DISC1: variants seen among roughly 807,000 people sequenced by gnomAD.
DISC1 encodes the protein DISC1 scaffold protein.
In DISC1, 57 loss-of-function variants were observed where a neutral mutation model predicts 84.5. That is an observed-to-expected ratio of 0.67 (90% CI 0.55 to 0.84). DISC1 has a LOEUF of 0.84. DISC1 is among the 40% of genes least tolerant of loss of function. The pLI is 0.00. For synonymous variants in DISC1, 411 were observed against 415.2 expected (o/e 0.99, Z 0.12); for missense variants, 1,000 against 1,057.8 (o/e 0.95, Z 0.76).
At position 232,008,991 on chromosome 1, in the gene DISC1, A is replaced by G. The variant is rs1347419043; in HGVS notation, c.2249A>G (p.Glu750Gly). The G allele has an allele frequency of 1.2e-6, 2 of 1,613,900 alleles. No individual in the cohort carries two copies. Among genetic ancestry groups the G allele is most frequent in the Non-Finnish European group, 1.7e-6 (2 of 1,179,842 alleles). The change falls in exon 11 of 13, where the codon GAA becomes GGA. Residue 750 changes from glutamate (E) to glycine (G), a missense_variant. Transcript: ENST00000439617. ...AGGAAGACCCCTTTGAAGGTATTGG[A>G]AGAATGGAAGACTCACCTCATCCCC... ...DKRKTPLKVL[E>G]EWKTHLIPSL...
chr1:231,960,718 G>C (rs1018091357), intron 10 of DISC1, among the ~76,000 whole-genome samples: 2 of 152,192 alleles, frequency 1.3e-5, no homozygotes, highest in African/African-American at 4.8e-5. Flanking sequence ...TTCTGCTGCA[G>C]ATACCAGCTG....
chr1:231,964,333 G>C (rs1007825318), intron 10 of DISC1, among the ~76,000 whole-genome samples: 1 of 152,164 alleles, frequency 6.6e-6, no homozygotes, highest in Non-Finnish European at 1.5e-5. Context: ...CCATGCTGAC[G>C]TTGCAAAGCC....
At chr1:231,726,527 C>A (rs2070730178) in intron 3 of DISC1, among the ~76,000 whole-genome samples, 1 of 152,178 alleles carries the variant, frequency 6.6e-6, no homozygotes, top group Admixed American at 6.5e-5. Context: ...GTCTATCTCC[C>A]TGGACAGGTG....
intron 10 of DISC1, among the ~76,000 whole-genome samples, chr1:231,990,329 G>A (rs1665035478): frequency 6.6e-6 from 1 of 152,044 alleles, no homozygotes; most frequent in South Asian, 2.1e-4. Context: ...AAGGCAAGCA[G>A]AAGCACAGGT....
chr1:231,754,216 C>T (rs1290057927), intron 4 of DISC1, among the ~76,000 whole-genome samples: 1 of 152,074 alleles, frequency 6.6e-6, no homozygotes, highest in Non-Finnish European at 1.5e-5. Flanking sequence ...TTCTTGGTAC[C>T]AATTTTCTGT....
intron 4 of DISC1, among the ~76,000 whole-genome samples, chr1:231,758,894 C>T (rs565947969): frequency 3.3e-5 from 5 of 152,256 alleles, no homozygotes; most frequent in African/African-American, 7.2e-5. Flanking sequence ...TATTTGTAAC[C>T]GAAATTGTGT....
At chr1:231,875,328 T>G (rs956531799) in intron 9 of DISC1, among the ~76,000 whole-genome samples, 2 of 151,810 alleles carry the variant, frequency 1.3e-5, no homozygotes, top group Non-Finnish European at 2.9e-5. Context: ...TAAGGGGACA[T>G]GAGCCACCAG....
At position 231,719,750 on chromosome 1, in the gene DISC1, GATT is replaced by G. The variant is rs554101327; in HGVS notation, c.1117+17730_1117+17732del. Among the ~76,000 whole-genome samples, 320 of 152,270 alleles carry G rather than the reference GATT, an allele frequency of 2.1e-3. 1 individual carries two copies. Among genetic ancestry groups the G allele is most frequent in the African/African-American group, 7.4e-3 (306 of 41,550 alleles). ...TTTTGTTCAAATGTATTTGCGAACT[GATT>G]ATTTTCTTAGATAATCATTTTCTTA... On this transcript the variant is annotated intron_variant, in intron 3 of 12. Transcript: ENST00000439617.
At chr1:231,886,776 TTTCTTTCTTTCTTTC>T (rs1558692057) in intron 9 of DISC1, among the ~76,000 whole-genome samples, 1 of 92,778 alleles carries the variant, frequency 1.1e-5, no homozygotes, top group Non-Finnish European at 2.4e-5. Context: ...CCTTTCTTTC[TTTCTTTCTTTCTTTC>T]TTTCTTTCTT....
At chr1:231,799,915 C>CCTTCCTTCCTT (rs1558566312) in intron 7 of DISC1, among the ~76,000 whole-genome samples, 193 bp from the exon 8 acceptor site, 1 of 13,950 alleles carries the variant, frequency 7.2e-5, no homozygotes, top group African/African-American at 3.1e-4. Context: ...CTCCCTTCTT[C>CCTTCCTTCCTT]CCTTCCTCCC....
intron 10 of DISC1, among the ~76,000 whole-genome samples, chr1:231,999,032 A>G (rs1666321405): frequency 6.6e-6 from 1 of 152,180 alleles, no homozygotes; most frequent in Non-Finnish European, 1.5e-5. Context: ...GATCTTACAG[A>G]TACAAAGGAA....
chr1:231,708,214 T>C (rs761047992), intron 3 of DISC1, among the ~76,000 whole-genome samples: 39 of 152,144 alleles, frequency 2.6e-4, no homozygotes, highest in South Asian at 4.1e-4. Context: ...TGAGTCTGCG[T>C]GTACTAGGTA....
chr1:231,982,225 T>G (rs1663710062), intron 10 of DISC1, among the ~76,000 whole-genome samples: 2 of 152,104 alleles, frequency 1.3e-5, no homozygotes, highest in Non-Finnish European at 2.9e-5. Flanking sequence ...CGTCGGTGAT[T>G]GTGAGAATGG....
rs145107726 is a variant in DISC1, at chr1:231,769,256, C to T, written c.1399-1579C>T. 1.2e-3 allele frequency among the ~76,000 whole-genome samples: 186 copies of T among 152,278 alleles called. 1 individual carries two copies. Among genetic ancestry groups the T allele is most frequent in the South Asian group, 2.1e-3 (10 of 4,814 alleles). On this transcript the variant is annotated intron_variant, in intron 5 of 12. Coordinates refer to ENST00000439617, the MANE Select transcript of DISC1 (RefSeq NM_018662.3). ...TTGACTGTGTGGTCCAGCCACCCCC[C>T]CTTCTGGGTATATATCTGTCTCAAA...
chr1:231,738,348 T>C (rs1028229835), intron 3 of DISC1, among the ~76,000 whole-genome samples: 1 of 152,210 alleles, frequency 6.6e-6, no homozygotes, highest in African/African-American at 2.4e-5. Flanking sequence ...ATGCAGTTGT[T>C]GTAGCTCTTA....
At chr1:231,907,232 ATGTATACATG>A (rs2088806847) in intron 9 of DISC1, among the ~76,000 whole-genome samples, 1 of 150,690 alleles carries the variant, frequency 6.6e-6, no homozygotes, top group East Asian at 2.0e-4. Context: ...TTTGTTACAT[ATGTATACATG>A]TGCCATGTTG....
In DISC1 at chr1:231,694,906, C is replaced by A. The variant is rs934248361; in HGVS notation, c.1047+101C>A. 1.7e-5 allele frequency: 26 copies of A among 1,520,586 alleles called. No individual in the cohort carries two copies. In the Admixed American group the frequency reaches 5.1e-4, roughly 30 times the overall value. The allele number at this position is 1,520,586 out of a possible 1,614,324, so 94.2% of individuals were successfully genotyped here. A position where few individuals can be genotyped will look rare whatever the true frequency, so the allele number is the denominator to read the frequency against. On this transcript the variant is annotated intron_variant, in intron 2 of 12. Transcript: ENST00000439617. Reference sequence around the variant, plus strand: ...AGGGGTTCTGGGCTCAACTGACTTCCTCCTGGAAGCTGCAGCAGCTCCTTT... The same window carrying A: ...AGGGGTTCTGGGCTCAACTGACTTCATCCTGGAAGCTGCAGCAGCTCCTTT...
intron 6 of DISC1, among the ~76,000 whole-genome samples, chr1:231,780,098 GA>G (rs1332718844): frequency 6.6e-6 from 1 of 151,750 alleles, no homozygotes; most frequent in Non-Finnish European, 1.5e-5. Context: ...GGGCTGGGGG[GA>G]GGGGCGAGGG....
chr1:232,002,300 T>C (rs1335285077), intron 10 of DISC1, among the ~76,000 whole-genome samples: 1 of 152,186 alleles, frequency 6.6e-6, no homozygotes, highest in Non-Finnish European at 1.5e-5. Context: ...TTGGCCACTC[T>C]GAAAAACAGT....
Sources: gnomAD v4.1 joint callset for allele counts (sites outside exome capture counted in the v4.1 genomes callset) on GRCh38, gnomAD v4.1.1 for gene constraint, MANE v1.5 for transcripts, NCBI Gene and HGNC (gene_info 2026-07-23, HGNC 2026-07-21) for gene names.